The following NBPF12 variants were observed in gnomAD, a reference collection of about 807,000 sequenced individuals.
NBPF12 encodes the protein NBPF family member NBPF12.
In NBPF12, 115 loss-of-function variants were observed where a neutral mutation model predicts 146.4. The ratio of observed to expected loss-of-function variants is 0.79; its 90% CI spans 0.68 to 0.92. The LOEUF (loss-of-function observed/expected upper bound fraction) is 0.92. NBPF12 is among the 40% of genes least tolerant of loss of function. NBPF12 has a pLI of 0.00. For synonymous variants in NBPF12, 385 were observed against 508.9 expected (o/e 0.76, Z 3.28); for missense variants, 1,205 against 1,326.8 (o/e 0.91, Z 1.43).
intron 9 of NBPF12, 94 bp downstream of exon 12, chr1:146,966,767 A>C (rs1656240113): frequency 8.8e-6 from 7 of 799,152 alleles, no homozygotes; most frequent in Non-Finnish European, 1.6e-5. Flanking sequence ...AAATAATGTC[A>C]TCCTCCCCAT....
At chr1:146,992,434 T>TTCTC (rs139645973) in intron 31 of NBPF12, among the ~76,000 whole-genome samples, 3,489 of 80,602 alleles carry the variant, frequency 0.043, 174 homozygotes, top group East Asian at 0.083. Context: ...ACTGAGCTCG[T>TTCTC]TCTCTCTCTC....
chr1:146,995,712 T>C (rs1216552872), exon 34 of NBPF12: 2 of 150,214 alleles, frequency 1.3e-5, no homozygotes, highest in African/African-American at 5.0e-5. Context: ...TCAGCCCATC[T>C]GCGGGCAGAG....
chr1:146,957,836 A>AC lies in NBPF12; in HGVS notation c.-183-2023_-183-2022insC, dbSNP rs1380360557. On this transcript the variant is annotated intron_variant, in intron 2 of 33. Coordinates refer to ENST00000617844, the Ensembl canonical transcript of NBPF12. ...TCCGCCACTTAAAAAAGAAAAAAAA[A>AC]ATATAATATATATATATATACACGT... is the stretch of plus-strand genomic sequence containing the variant. Among the ~76,000 whole-genome samples the AC allele has an allele frequency of 2.4e-4, 28 of 118,918 alleles. 4 individuals carry two copies. The highest frequency in any genetic ancestry group is 2.0e-3 in the East Asian group (7 of 3,422). 78.0% of individuals were successfully genotyped at this position (118,918 alleles called of 152,430 possible).
At chr1:146,981,534 G>A (rs1315006877) in intron 19 of NBPF12, among the ~76,000 whole-genome samples, 5 of 151,250 alleles carry the variant, frequency 3.3e-5, no homozygotes, top group African/African-American at 9.8e-5. Context: ...TATGTGTCCC[G>A]GGGTTGCTCT....
At chr1:146,962,884 C>G (rs1373497788) in intron 5 of NBPF12, among the ~76,000 whole-genome samples, 4 of 151,426 alleles carry the variant, frequency 2.6e-5, no homozygotes, top group South Asian at 2.1e-4. Flanking sequence ...GGAACATCAT[C>G]GAGGATCTTG....
At chr1:146,984,749 T>A in intron 21 of NBPF12, 64 bp from the exon 25 acceptor site, 1 of 821,714 alleles carries the variant, frequency 1.2e-6, no homozygotes, top group East Asian at 2.4e-5. Flanking sequence ...CCATGAAATC[T>A]AGCTGGGGCT....
chr1:146,982,328 G>T (rs1304132868), intron 19 of NBPF12, among the ~76,000 whole-genome samples: 1 of 147,776 alleles, frequency 6.8e-6, no homozygotes. Context: ...CTTCAGGTCT[G>T]TTGGAGTTTG....
intron 2 of NBPF12, among the ~76,000 whole-genome samples, chr1:146,954,389 C>CA (rs1170420550): frequency 0.26 from 6,210 of 23,962 alleles, 665 homozygotes; most frequent in East Asian, 0.52. Flanking sequence ...GACTCTGTCT[C>CA]AAAAAAAAAA....
intron 2 of NBPF12, among the ~76,000 whole-genome samples, chr1:146,953,832 C>A (rs1263152460): frequency 1.3e-5 from 2 of 151,220 alleles, no homozygotes; most frequent in African/African-American, 4.9e-5. Context: ...AGCTCTAAGT[C>A]AATGCAATAA....
chr1:146,961,405 C>A (rs1422418785), intron 4 of NBPF12, among the ~76,000 whole-genome samples: 2 of 151,738 alleles, frequency 1.3e-5, no homozygotes, highest in African/African-American at 4.9e-5. Flanking sequence ...ACAATAATAC[C>A]TACCTCTGTA....
chr1:146,949,058 A>G (rs1391953566), upstream of NBPF12, among the ~76,000 whole-genome samples: 2 of 151,882 alleles, frequency 1.3e-5, no homozygotes, highest in Non-Finnish European at 2.9e-5. Context: ...CTATTATCCT[A>G]TTGTCCTGCC....
exon 14 of NBPF12, chr1:146,972,872 A>T: frequency 8.3e-7 from 1 of 1,200,606 alleles, no homozygotes; most frequent in East Asian, 2.3e-5. Context: ...CCCAGCTGGC[A>T]GAGAAGAAAC....
intron 31 of NBPF12, among the ~76,000 whole-genome samples, chr1:146,992,458 CTCTCTGTGTGTGTGTGTGTGTGTGTG>C (rs1658240770): frequency 1.0e-5 from 1 of 99,526 alleles, no homozygotes; most frequent in African/African-American, 4.7e-5. Flanking sequence ...CTCTCTCTCT[CTCTCTGTGTGTGTGTGTGTGTGTGTG>C]TGTGTGTGTG....
At chr1:146,962,847 C>T (rs878905017) in intron 5 of NBPF12, among the ~76,000 whole-genome samples, 4 of 151,018 alleles carry the variant, frequency 2.6e-5, no homozygotes, top group East Asian at 1.9e-4. Context: ...AGACACCTAC[C>T]TTTGTTTACA....
chr1:146,954,881 C>CCACA (rs1160541580), intron 2 of NBPF12, among the ~76,000 whole-genome samples: 11 of 102,966 alleles, frequency 1.1e-4, no homozygotes, highest in East Asian at 5.6e-4. Flanking sequence ...GTATACACAC[C>CCACA]CACACACACA....
intron 13 of NBPF12, among the ~76,000 whole-genome samples, chr1:146,972,243 A>T (rs1373987369): frequency 6.6e-6 from 1 of 150,874 alleles, no homozygotes; most frequent in Non-Finnish European, 1.5e-5. Flanking sequence ...AAAAATACAA[A>T]AATTAGCTGT....
At chr1:146,938,456 C>G (rs1333664684), upstream of NBPF12, among the ~76,000 whole-genome samples, 1 of 152,104 alleles carries the variant, frequency 6.6e-6, no homozygotes, top group Non-Finnish European at 1.5e-5. Context: ...CCGGGGAAAT[C>G]GGCGAATTGC....
At chr1:146,943,749 T>A (rs1307165083) in intron 2 of NBPF12, among the ~76,000 whole-genome samples, 187 bp downstream of exon 2, 1 of 151,890 alleles carries the variant, frequency 6.6e-6, no homozygotes, top group Non-Finnish European at 1.5e-5. Context: ...ACCCTGGACT[T>A]GTAGTGCCAT....
chr1:146,982,684 G>T (rs1163500949), intron 19 of NBPF12, among the ~76,000 whole-genome samples: 3 of 150,104 alleles, frequency 2.0e-5, no homozygotes, highest in Admixed American at 1.3e-4. Flanking sequence ...GAGAGTCTGG[G>T]TGCCCTGAGT....
Sources: allele counts gnomAD v4.1 joint callset (sites outside exome capture counted in the v4.1 genomes callset), GRCh38; gene constraint gnomAD v4.1.1; transcripts MANE v1.5; gene names NCBI Gene and HGNC (gene_info 2026-07-23, HGNC 2026-07-21).